The following HENMT1 variants were observed in gnomAD, a reference collection of about 807,000 sequenced individuals.
The protein encoded by HENMT1 is HEN methyltransferase 1.
Under a neutral mutation model 31.1 loss-of-function variants are expected in HENMT1, and 27 were observed. The ratio of observed to expected loss-of-function variants is 0.87; its 90% CI spans 0.64 to 1.20. The LOEUF is 1.20. Among genes scored for constraint, HENMT1 ranks in the 50% most tolerant of loss-of-function variants. The pLI, the probability that HENMT1 is intolerant of heterozygous loss-of-function variation, is 0.00. For synonymous variants in HENMT1, 167 were observed against 172.2 expected (o/e 0.97, Z 0.24); for missense variants, 438 against 469.6 (o/e 0.93, Z 0.62).
Position 108,658,462 on chromosome 1 carries a change from T to G in HENMT1, c.22-883A>C, listed in dbSNP as rs145571060. Among the ~76,000 whole-genome samples, 5 of 152,312 alleles carry G rather than the reference T, an allele frequency of 3.3e-5. 1 individual carries two copies. The highest frequency in any genetic ancestry group is 3.9e-4 in the East Asian group (2 of 5,182). On this transcript the variant is annotated intron_variant, in intron 2 of 7. Coordinates refer to ENST00000651461, the MANE Select transcript of HENMT1 (RefSeq NM_001102592.2). ...CTCTTTTTAAGAGAGAGAGAGGATC[T>G]CACTATGTCGCCCAGGCTGGTTTAA... is the stretch of plus-strand genomic sequence containing the variant.
rs555115872 is a variant in HENMT1, at chr1:108,655,541, T to C, written c.263+45A>G. 52 of 1,108,894 alleles carry C rather than the reference T, an allele frequency of 4.7e-5. 1 individual carries two copies. In the South Asian group the frequency reaches 6.4e-4, roughly 14 times the overall value. 68.7% of individuals were successfully genotyped at this position (1,108,894 alleles called of 1,614,324 possible). On this transcript the variant is annotated intron_variant, in intron 4 of 7. Coordinates refer to ENST00000651461, the MANE Select transcript of HENMT1 (RefSeq NM_001102592.2). ...ACTTTCTCTAAACTCAATAATGCCA[T>C]TAGTTTTAGATTAACGCATAATTCT...
upstream of HENMT1, chr1:108,661,094 G>A (rs1658457439): frequency 1.9e-5 from 13 of 683,834 alleles, no homozygotes; most frequent in Non-Finnish European, 2.2e-5. Flanking sequence ...CCTGACGCCC[G>A]CGCACGCACG....
intron 3 of HENMT1, among the ~76,000 whole-genome samples, chr1:108,655,975 C>T (rs1658227851): frequency 6.6e-6 from 1 of 151,888 alleles, no homozygotes; most frequent in Non-Finnish European, 1.5e-5. Flanking sequence ...TCCAGAACAA[C>T]TGTTATTGTC....
Position 108,655,636 on chromosome 1 carries a change from A to C in HENMT1, c.213T>G (p.Ile71Met), listed in dbSNP as rs750832387. 1 of 1,612,294 alleles carries C rather than the reference A, an allele frequency of 6.2e-7. No homozygotes were observed. Reference sequence around the variant, plus strand: ...TAATATCTACTCCAACAAGCAATTCAATGCATGGATTGACTTTTAGCAGCC... The same window carrying C: ...TAATATCTACTCCAACAAGCAATTCCATGCATGGATTGACTTTTAGCAGCC... ...LLRLLKVNPC[I>M]ELLVGVDINE... Residue 71 changes from isoleucine (I) to methionine (M), a missense_variant, in exon 4 of 8, where the codon ATT becomes ATG. Coordinates refer to ENST00000651461, the MANE Select transcript of HENMT1 (RefSeq NM_001102592.2).
At chr1:108,657,784 G>A (rs1045848823) in intron 2 of HENMT1, among the ~76,000 whole-genome samples, 2 of 152,006 alleles carry the variant, frequency 1.3e-5, no homozygotes, top group African/African-American at 4.8e-5. Flanking sequence ...CTTTTAACAA[G>A]AGAGAATCTA....
intron 7 of HENMT1, chr1:108,649,466 A>C (rs776335873): frequency 2.3e-6 from 1 of 441,388 alleles, no homozygotes; most frequent in South Asian, 1.6e-5. Flanking sequence ...CAAAACAAAA[A>C]AAAGCTGAGC....
intron 5 of HENMT1, 114 bp from the exon 6 acceptor site, chr1:108,651,323 A>G (rs1422696038): frequency 3.6e-6 from 3 of 822,260 alleles, no homozygotes; most frequent in Middle Eastern, 2.5e-4. Flanking sequence ...CCTTCTTTGA[A>G]TATGTAATAA....
At chr1:108,659,768 A>T in intron 2 of HENMT1, 96 bp downstream of exon 2, 2 of 767,718 alleles carry the variant, frequency 2.6e-6, no homozygotes, top group South Asian at 3.3e-5. Flanking sequence ...AAATGCTAGG[A>T]CCTAAATGTG....
chr1:108,657,666 T>C, intron 2 of HENMT1, 87 bp from the exon 3 acceptor site: 1 of 1,295,242 alleles, frequency 7.7e-7, no homozygotes, highest in East Asian at 2.5e-5. Flanking sequence ...AAAACTTTAT[T>C]TCCCCCAATC....
intron 3 of HENMT1, among the ~76,000 whole-genome samples, chr1:108,656,025 T>C (rs916976459): frequency 6.6e-6 from 1 of 152,150 alleles, no homozygotes; most frequent in Non-Finnish European, 1.5e-5. Context: ...ACACACAGTT[T>C]TCCCATTCAG....
chr1:108,649,288 T>C, intron 7 of HENMT1: 3 of 514,370 alleles, frequency 5.8e-6, no homozygotes, highest in Admixed American at 4.5e-5. Flanking sequence ...CAAAAAAAAA[T>C]GAAAAATGGT....
chr1:108,652,129 T>C (rs1248439525), intron 5 of HENMT1, among the ~76,000 whole-genome samples: 1 of 152,218 alleles, frequency 6.6e-6, no homozygotes, highest in Non-Finnish European at 1.5e-5. Context: ...ACGTGACAAA[T>C]GCATTGTGTG....
intron 2 of HENMT1, 89 bp from the exon 3 acceptor site, chr1:108,657,668 C>T (rs1298151734): frequency 7.9e-7 from 1 of 1,264,214 alleles, no homozygotes; most frequent in Non-Finnish European, 1.1e-6. Context: ...AACTTTATTT[C>T]CCCCAATCAC....
intron 5 of HENMT1, among the ~76,000 whole-genome samples, chr1:108,653,367 A>G (rs1307096304): frequency 6.6e-6 from 1 of 152,152 alleles, no homozygotes; most frequent in Non-Finnish European, 1.5e-5. Flanking sequence ...ATTTAGGTAG[A>G]TTCCGTATCC....
chr1:108,654,468 G>A (rs988852036), intron 5 of HENMT1, among the ~76,000 whole-genome samples: 2 of 152,178 alleles, frequency 1.3e-5, no homozygotes, highest in East Asian at 3.8e-4. Context: ...GATTTAAAAA[G>A]TGAGATGTTA....
rs766424032 is a variant in HENMT1 at position 108,651,140 on chromosome 1, G to A, written c.468C>T (p.Ser156=). The change falls in exon 6 of 8, where the codon TCC becomes TCT. Residue 156 remains serine (S), a synonymous_variant. Transcript: ENST00000651461. ...PEVVFGYLSP[S]MIVISTPNSE... is the part of the protein sequence containing the mutation. ...AGTTTGGTGTGCTGATGACAATCAT[G>A]GATGGAGACAGGTACCCAAATACCA... 1.9e-6 allele frequency: 3 copies of A among 1,613,862 alleles called. No individual in the cohort carries two copies. The highest frequency in any genetic ancestry group is 2.5e-6 in the Non-Finnish European group (3 of 1,179,796).
chr1:108,653,468 T>C (rs1476865588), intron 5 of HENMT1, among the ~76,000 whole-genome samples: 2 of 152,250 alleles, frequency 1.3e-5, no homozygotes, highest in African/African-American at 2.4e-5. Flanking sequence ...AGTAGTGGGA[T>C]TGCTAGATCA....
At chr1:108,650,419 T>C (rs1351125318) in intron 6 of HENMT1, 31 bp from the exon 7 acceptor site, 1 of 1,589,530 alleles carries the variant, frequency 6.3e-7, no homozygotes, top group Non-Finnish European at 8.6e-7. Flanking sequence ...GCAATCATTT[T>C]TCTAAATGTA....
At position 108,657,514 on chromosome 1, in the gene HENMT1, A is replaced by T. The variant is rs1464470205; in HGVS notation, c.87T>A (p.Pro29=). The T allele has an allele frequency of 6.2e-7, 1 of 1,611,328 alleles. No individual in the cohort carries two copies. Among genetic ancestry groups the T allele is most frequent in the Non-Finnish European group, 8.5e-7 (1 of 1,177,640 alleles). The change falls in exon 3 of 8, where the codon CCT becomes CCA. Residue 29 remains proline, a synonymous_variant. Transcript: ENST00000651461. ...ACTGGTACCGCTGTCTGTATAGTGG[A>T]GGTTTAAACTGAATTGCCGTCTCCC... ...VPRETAIQFK[P]PLYRQRYQFV... is the part of the protein sequence containing the mutation.
Sources: gnomAD v4.1 joint callset for allele counts (sites outside exome capture counted in the v4.1 genomes callset) on GRCh38, gnomAD v4.1.1 for gene constraint, MANE v1.5 for transcripts, NCBI Gene and HGNC (gene_info 2026-07-23, HGNC 2026-07-21) for gene names.